FSTL5: variants seen among roughly 807,000 people sequenced by gnomAD.
FSTL5 encodes follistatin like 5.
Under a neutral mutation model 89.1 loss-of-function variants are expected in FSTL5, and 62 were observed. That is an observed-to-expected ratio of 0.70 (90% CI 0.57 to 0.86). The LOEUF is 0.86. Ranked by LOEUF, FSTL5 falls within the 40% of genes least tolerant of loss-of-function variation. The pLI, the probability that FSTL5 is intolerant of heterozygous loss-of-function variation, is 0.00. For synonymous variants in FSTL5, 383 were observed against 346.2 expected, an observed-to-expected ratio of 1.11 and a Z score of -1.18; for missense variants, 1,057 against 1,001.6, an observed-to-expected ratio of 1.06 and a Z score of -0.75.
chr4:161,655,579 T>C (rs1419930017), intron 7 of FSTL5, among the ~76,000 whole-genome samples: 2 of 152,126 alleles, frequency 1.3e-5, no homozygotes, highest in African/African-American at 4.8e-5. Context: ...TCCTTTCTTA[T>C]TGAAAATTAA....
At position 161,694,922 on chromosome 4, in the gene FSTL5, T is replaced by A. The variant is rs147470808; in HGVS notation, c.728-38428A>T. 9.7e-4 allele frequency among the ~76,000 whole-genome samples: 141 copies of A among 145,204 alleles called. 2 individuals are homozygous for A. In the East Asian group the frequency reaches 0.027, roughly 27 times the overall value. ...ACTGAAGTCTTTATTCAATTATCAC[T>A]CCAGTCAACGGGTGAACCTGACAGA... On this transcript the variant is annotated intron_variant, in intron 6 of 15. Transcript: ENST00000306100.
chr4:162,151,601 A>G (rs1733227912), intron 1 of FSTL5, among the ~76,000 whole-genome samples: 1 of 152,156 alleles, frequency 6.6e-6, no homozygotes, highest in African/African-American at 2.4e-5. Flanking sequence ...ATCTTGTCAC[A>G]TTCTATTTTC....
intron 3 of FSTL5, among the ~76,000 whole-genome samples, chr4:162,015,694 A>C (rs554176189): frequency 6.6e-6 from 1 of 152,326 alleles, no homozygotes; most frequent in East Asian, 1.9e-4. Context: ...CTAACTAGTC[A>C]TAAACTGTGA....
intron 4 of FSTL5, among the ~76,000 whole-genome samples, chr4:161,878,182 C>T (rs1002603575): frequency 3.9e-5 from 6 of 152,018 alleles, no homozygotes; most frequent in African/African-American, 1.4e-4. Flanking sequence ...TGAATATTAA[C>T]CATTTAAATG....
chr4:162,067,752 G>A (rs1012465992), intron 2 of FSTL5, among the ~76,000 whole-genome samples: 14 of 152,202 alleles, frequency 9.2e-5, no homozygotes, highest in Admixed American at 7.2e-4. Flanking sequence ...AAGAGAGGAC[G>A]TCAAATTGCC....
At chr4:162,069,657 G>A (rs1729522520) in intron 2 of FSTL5, among the ~76,000 whole-genome samples, 1 of 151,798 alleles carries the variant, frequency 6.6e-6, no homozygotes, top group Admixed American at 6.6e-5. Context: ...ATCTTTCTGT[G>A]TCTGACCCAT....
At chr4:161,630,047 A>G (rs62328851) in intron 7 of FSTL5, among the ~76,000 whole-genome samples, 33,117 of 152,134 alleles carry the variant, frequency 0.22, 3,851 homozygotes, top group Non-Finnish European at 0.24. Context: ...TGGGGGAATC[A>G]GGGAGAACTA....
chr4:161,812,879 CAAAAAAAAAAAAA>C (rs35183730), intron 4 of FSTL5, among the ~76,000 whole-genome samples: 28 of 41,570 alleles, frequency 6.7e-4, no homozygotes, highest in African/African-American at 1.7e-3. Context: ...TAAATCCCAG[CAAAAAAAAAAAAA>C]AAAAAAAAAA....
chr4:161,583,070 C>T (rs923812085), intron 8 of FSTL5, among the ~76,000 whole-genome samples: 12 of 152,124 alleles, frequency 7.9e-5, no homozygotes, highest in East Asian at 1.9e-4. Flanking sequence ...GGCGTGGTGG[C>T]GGGCACCTGT....
intron 1 of FSTL5, among the ~76,000 whole-genome samples, chr4:162,155,733 C>G (rs551675464): frequency 6.6e-6 from 1 of 152,238 alleles, no homozygotes; most frequent in East Asian, 1.9e-4. Flanking sequence ...CTTGAAAGTA[C>G]AACAGTCCAG....
chr4:162,069,429 T>C (rs1729502983), intron 2 of FSTL5, among the ~76,000 whole-genome samples: 1 of 151,962 alleles, frequency 6.6e-6, no homozygotes, highest in African/African-American at 2.4e-5. Flanking sequence ...TTTTAAAATA[T>C]ACAATAAATT....
intron 2 of FSTL5, among the ~76,000 whole-genome samples, chr4:162,096,941 T>C (rs1730785756): frequency 6.6e-6 from 1 of 151,964 alleles, no homozygotes; most frequent in Admixed American, 6.6e-5. Flanking sequence ...CTCAGTAGGA[T>C]TGATTATCCT....
chr4:161,853,743 T>C (rs1200285295), intron 4 of FSTL5, among the ~76,000 whole-genome samples: 1 of 152,162 alleles, frequency 6.6e-6, no homozygotes, highest in Admixed American at 6.5e-5. Context: ...CTCCTCTTTA[T>C]CCTGATCAGA....
intron 10 of FSTL5, among the ~76,000 whole-genome samples, chr4:161,529,923 T>C (rs1287702617): frequency 7.0e-6 from 1 of 143,034 alleles, no homozygotes; most frequent in African/African-American, 2.5e-5. Flanking sequence ...TACTAATCGA[T>C]GACTTTTGCA....
rs201094832 is a variant in FSTL5 at position 161,619,483 on chromosome 4, T to A, written c.895-31908A>T. On this transcript the variant is annotated intron_variant, in intron 7 of 15. Coordinates refer to ENST00000306100, the MANE Select transcript of FSTL5 (RefSeq NM_020116.5). ...ATCCAGAATCTACAATGAACTCAAA[T>A]AAATTTACAAGAAAAAAACAAACAA... Among the ~76,000 whole-genome samples the A allele has an allele frequency of 6.3e-3, 955 of 151,968 alleles. 17 individuals are homozygous for A. Among genetic ancestry groups the A allele is most frequent in the South Asian group, 0.046 (221 of 4,796 alleles).
intron 6 of FSTL5, among the ~76,000 whole-genome samples, chr4:161,688,545 T>G (rs1737819350): frequency 6.6e-6 from 1 of 152,188 alleles, no homozygotes; most frequent in South Asian, 2.1e-4. Flanking sequence ...AAAAGAAATA[T>G]ACCACACCTC....
intron 2 of FSTL5, among the ~76,000 whole-genome samples, chr4:162,037,783 G>A (rs190835880): frequency 7.2e-4 from 110 of 151,848 alleles, no homozygotes; most frequent in Non-Finnish European, 1.3e-3. Context: ...GTAAACTCCC[G>A]CATTACTGTC....
intron 1 of FSTL5, among the ~76,000 whole-genome samples, chr4:162,138,512 T>C (rs1732602500): frequency 6.6e-6 from 1 of 152,056 alleles, no homozygotes; most frequent in African/African-American, 2.4e-5. Context: ...TTTTTCTTAA[T>C]GTAAAAAGAA....
At chr4:161,445,231 C>T (rs1732905550) in intron 15 of FSTL5, among the ~76,000 whole-genome samples, 1 of 151,796 alleles carries the variant, frequency 6.6e-6, no homozygotes. Context: ...CTATGTTGGA[C>T]CATACGAATA....
Sources: gnomAD v4.1 joint callset for allele counts (sites outside exome capture counted in the v4.1 genomes callset) on GRCh38, gnomAD v4.1.1 for gene constraint, MANE v1.5 for transcripts, NCBI Gene and HGNC (gene_info 2026-07-23, HGNC 2026-07-21) for gene names.